Variants in PRDM5 observed in about 807,000 individuals in gnomAD.
PRDM5 encodes the protein PR/SET domain 5.
PRDM5 carries 56 observed loss-of-function variants against 81.2 expected under a neutral mutation model. The ratio of observed to expected loss-of-function variants is 0.69; its 90% CI spans 0.56 to 0.86. PRDM5 has a LOEUF of 0.86. Among genes scored for constraint, PRDM5 ranks in the 40% least tolerant of loss-of-function variants. The pLI is 0.00. For synonymous variants in PRDM5, 267 were observed against 256.4 expected (o/e 1.04, Z -0.39); for missense variants, 697 against 770.1 (o/e 0.91, Z 1.12).
chr4:120,828,062 C>T (rs921275935), intron 3 of PRDM5, among the ~76,000 whole-genome samples: 18 of 151,950 alleles, frequency 1.2e-4, no homozygotes, highest in Admixed American at 8.5e-4. Context: ...TTCATGGAAC[C>T]CTTGGAGATA....
chr4:120,750,717 C>CGCGT (rs1561085921), intron 14 of PRDM5, among the ~76,000 whole-genome samples: 8 of 148,574 alleles, frequency 5.4e-5, no homozygotes, highest in African/African-American at 1.5e-4. Flanking sequence ...CACACACACA[C>CGCGT]ACGCGCACAC....
chr4:120,879,002 C>T (rs1335158130), intron 2 of PRDM5, among the ~76,000 whole-genome samples: 1 of 152,152 alleles, frequency 6.6e-6, no homozygotes, highest in South Asian at 2.1e-4. Flanking sequence ...ACTAAACATA[C>T]TCTTACCATG....
intron 15 of PRDM5, among the ~76,000 whole-genome samples, chr4:120,700,598 T>C (rs2148997984): frequency 6.6e-6 from 1 of 152,304 alleles, no homozygotes; most frequent in East Asian, 1.9e-4. Flanking sequence ...AACAATTGAA[T>C]AAGCAAAAAA....
chr4:120,795,896 G>C lies in PRDM5; in HGVS notation c.1188+2371C>G, dbSNP rs529668305. On this transcript the variant is annotated intron_variant, in intron 10 of 15. Transcript: ENST00000264808. ...CCACTGCACTCTAGCCTGAGTGACA[G>C]AGTGAGACTCTATTTCAAAAAATAA... Among the ~76,000 whole-genome samples, 8 of 152,288 alleles carry C rather than the reference G, an allele frequency of 5.3e-5. No individual in the cohort carries two copies. The South Asian group carries it at 1.4e-3, about 28-fold the overall frequency.
At chr4:120,895,191 G>A (rs1387220028) in intron 2 of PRDM5, among the ~76,000 whole-genome samples, 5 of 152,162 alleles carry the variant, frequency 3.3e-5, no homozygotes, top group African/African-American at 1.2e-4. Flanking sequence ...CAAAGCAAAG[G>A]GAGAAAATTT....
chr4:120,737,009 A>T (rs1367984464), intron 14 of PRDM5, among the ~76,000 whole-genome samples: 1 of 152,158 alleles, frequency 6.6e-6, no homozygotes, highest in East Asian at 1.9e-4. Context: ...CAACAGCAAT[A>T]AGTAGGAGAG....
At chr4:120,811,181 T>C (rs1410091690) in intron 8 of PRDM5, among the ~76,000 whole-genome samples, 189 bp downstream of exon 8, 4 of 128,898 alleles carry the variant, frequency 3.1e-5, no homozygotes, top group African/African-American at 9.1e-5. Context: ...AAATTAAAAC[T>C]CCATTAATTC....
At chr4:120,835,150 A>T (rs941854025) in intron 3 of PRDM5, among the ~76,000 whole-genome samples, 1 of 152,222 alleles carries the variant, frequency 6.6e-6, no homozygotes, top group African/African-American at 2.4e-5. Context: ...AGTATAACAT[A>T]ATGCAATAAA....
chr4:120,919,337 C>T (rs1724608013), intron 1 of PRDM5, among the ~76,000 whole-genome samples: 1 of 152,126 alleles, frequency 6.6e-6, no homozygotes, highest in Non-Finnish European at 1.5e-5. Flanking sequence ...CTGTGTATTC[C>T]CAGGGCCTAG....
downstream of PRDM5, among the ~76,000 whole-genome samples, chr4:120,691,108 G>A (rs904825994): frequency 6.6e-6 from 1 of 152,012 alleles, no homozygotes; most frequent in African/African-American, 2.4e-5. Context: ...TTTCAGTATT[G>A]TGTTAAGAAT....
chr4:120,757,094 A>G (rs1456569540), intron 13 of PRDM5, among the ~76,000 whole-genome samples: 1 of 152,220 alleles, frequency 6.6e-6, no homozygotes, highest in Non-Finnish European at 1.5e-5. Context: ...CTTTCATAAC[A>G]GCCAAAATCC....
chr4:120,733,059 T>C (rs988575384), intron 14 of PRDM5, among the ~76,000 whole-genome samples: 3 of 152,080 alleles, frequency 2.0e-5, no homozygotes, highest in African/African-American at 4.8e-5. Context: ...ACCATTTGTG[T>C]GATATAAAAG....
chr4:120,897,401 C>T (rs1764759625), intron 2 of PRDM5, among the ~76,000 whole-genome samples: 1 of 151,650 alleles, frequency 6.6e-6, no homozygotes, highest in East Asian at 1.9e-4. Flanking sequence ...TTAGGATTGT[C>T]TTGGTTTAAG....
intron 8 of PRDM5, among the ~76,000 whole-genome samples, chr4:120,808,717 C>G (rs943151634): frequency 2.0e-5 from 3 of 152,186 alleles, no homozygotes; most frequent in Non-Finnish European, 4.4e-5. Flanking sequence ...AATGGGGAGG[C>G]TCAGGCACGG....
rs964865826 is a variant in PRDM5, at chr4:120,797,361, T to C, written c.1188+906A>G. Among the ~76,000 whole-genome samples, 7 of 151,986 alleles carry C rather than the reference T, an allele frequency of 4.6e-5. No homozygotes were observed. In the East Asian group the frequency reaches 7.7e-4, roughly 17 times the overall value. ...AGAGTATGAGAGTGATATACCAGAGTGATGCTTTGGGATGATTTGCCTTGT... is the reference window on the plus strand; with the variant it reads ...AGAGTATGAGAGTGATATACCAGAGCGATGCTTTGGGATGATTTGCCTTGT... On this transcript the variant is annotated intron_variant, in intron 10 of 15. Transcript: ENST00000264808.
At chr4:120,757,082 T>C (rs1744853560) in intron 13 of PRDM5, among the ~76,000 whole-genome samples, 1 of 152,182 alleles carries the variant, frequency 6.6e-6, no homozygotes, top group African/African-American at 2.4e-5. Context: ...GGTTACTATT[T>C]CCTTTCATAA....
intron 15 of PRDM5, among the ~76,000 whole-genome samples, chr4:120,705,226 T>A (rs915198488): frequency 2.0e-5 from 3 of 152,182 alleles, no homozygotes; most frequent in Non-Finnish European, 4.4e-5. Flanking sequence ...TATTGAATGC[T>A]TCCCACATGC....
Position 120,702,074 on chromosome 4 carries a change from A to G in PRDM5, c.1729-6799T>C, listed in dbSNP as rs1735468785. The stretch of plus-strand genomic sequence containing the variant: ...ATTACTTGCATTTTGCATAGGGGCA[A>G]GCATGCAAGTAATGCCTTCTAATGT... On this transcript the variant is annotated intron_variant, in intron 15 of 15. Transcript: ENST00000264808. Among the ~76,000 whole-genome samples, 7 of 152,300 alleles carry G rather than the reference A, an allele frequency of 4.6e-5. No individual in the cohort carries two copies. The South Asian group carries it at 1.5e-3, about 32-fold the overall frequency.
rs1725092473 is a variant in PRDM5 at position 120,922,526 on chromosome 4, C to T, written c.83G>A (p.Arg28Lys). The T allele has an allele frequency of 1.9e-6, 3 of 1,607,050 alleles. No individual in the cohort carries two copies. Among genetic ancestry groups the T allele is most frequent in the Non-Finnish European group, 2.5e-6 (3 of 1,177,484 alleles). ...CGCCGGGTCACCCACCTTTCGCACT[C>T]TGCGGGCCGTGTAGAGCCCCATGCC... ...QDGMGLYTAR[R>K]VRKGEKFGPF... The change falls in exon 1 of 16, where the codon AGA becomes AAA. Residue 28 changes from arginine (R) to lysine (K), a missense_variant. This residue lies in a region of PRDM5 where 577 missense variants were observed against 606.7 expected (regional missense o/e 0.95). Coordinates refer to ENST00000264808, the MANE Select transcript of PRDM5 (RefSeq NM_018699.4).
Sources: allele counts gnomAD v4.1 joint callset (sites outside exome capture counted in the v4.1 genomes callset), GRCh38; gene constraint gnomAD v4.1.1; regional missense constraint gnomAD v4.1.1; transcripts MANE v1.5; gene names NCBI Gene and HGNC (gene_info 2026-07-23, HGNC 2026-07-21).